The following LIX1 variants were observed in gnomAD, a reference collection of about 807,000 sequenced individuals.
The protein encoded by LIX1 is limb and CNS expressed 1, also known as protein limb expression 1 homolog.
LIX1 carries 24 observed loss-of-function variants against 33.4 expected under a neutral mutation model. That is an observed-to-expected ratio of 0.72 (90% CI 0.52 to 1.01). The LOEUF (loss-of-function observed/expected upper bound fraction) is 1.01, where lower values mean the gene tolerates loss of function less well. Ranked by LOEUF, LIX1 falls within the 50% of genes least tolerant of loss-of-function variation. The probability of loss-of-function intolerance (pLI) is 0.00; values close to 1 mark genes in which losing one functional copy is unlikely to be tolerated. For missense variants in LIX1, 311 were observed against 339.2 expected (o/e 0.92, Z 0.65); for synonymous variants, 124 against 124.0 (o/e 1.00, Z 0.00).
intron 2 of LIX1, among the ~76,000 whole-genome samples, chr5:97,114,738 C>T (rs1580231759): frequency 6.6e-6 from 1 of 152,312 alleles, no homozygotes; most frequent in East Asian, 1.9e-4. Flanking sequence ...CCTGCCATGT[C>T]TCATTTCCAA....
chr5:97,106,069 G>A (rs1204008700), intron 3 of LIX1, among the ~76,000 whole-genome samples: 1 of 152,128 alleles, frequency 6.6e-6, no homozygotes. Context: ...ATTTATGTTG[G>A]CTTTTTAAAT....
At chr5:97,118,297 A>C (rs547886584) in intron 2 of LIX1, among the ~76,000 whole-genome samples, 1 of 152,246 alleles carries the variant, frequency 6.6e-6, no homozygotes, top group Non-Finnish European at 1.5e-5. Flanking sequence ...AGCAGGCTAT[A>C]TGTGGAAGAC....
chr5:97,132,337 A>G, intron 1 of LIX1, among the ~76,000 whole-genome samples: 1 of 152,240 alleles, frequency 6.6e-6, no homozygotes, highest in East Asian at 1.9e-4. Context: ...AGTGACATGT[A>G]AAATGTAAAA....
intron 4 of LIX1, chr5:97,101,645 G>A (rs943097410): frequency 6.6e-6 from 1 of 152,106 alleles, no homozygotes; most frequent in Non-Finnish European, 1.5e-5. Flanking sequence ...AGACAACAAC[G>A]GGGCTCTGTC....
At chr5:97,137,757 G>A (rs186260002) in intron 1 of LIX1, among the ~76,000 whole-genome samples, 35 of 152,206 alleles carry the variant, frequency 2.3e-4, no homozygotes, top group Admixed American at 2.0e-3. Context: ...TTTTTCAGGG[G>A]TGGTGGAATG....
At chr5:97,106,445 A>G (rs563117884) in intron 3 of LIX1, among the ~76,000 whole-genome samples, 1 of 152,318 alleles carries the variant, frequency 6.6e-6, no homozygotes, top group East Asian at 1.9e-4. Flanking sequence ...TGTTTCCTTC[A>G]TCATCATCAG....
chr5:97,111,644 A>G (rs1422515644), intron 2 of LIX1, among the ~76,000 whole-genome samples: 1 of 152,252 alleles, frequency 6.6e-6, no homozygotes, highest in Non-Finnish European at 1.5e-5. Flanking sequence ...ATTCAGATCC[A>G]GGCACTCTTC....
intron 4 of LIX1, among the ~76,000 whole-genome samples, chr5:97,099,969 G>T (rs1746607283): frequency 6.6e-6 from 1 of 152,166 alleles, no homozygotes; most frequent in African/African-American, 2.4e-5. Flanking sequence ...TCTTGGCATT[G>T]TTCTTGCATC....
intron 1 of LIX1, among the ~76,000 whole-genome samples, chr5:97,130,851 ACC>A (rs1046032384): frequency 6.6e-6 from 1 of 152,166 alleles, no homozygotes. Context: ...TCATTCTACT[ACC>A]CCTAATTGCT....
chr5:97,116,663 G>A (rs1021605417), intron 2 of LIX1, among the ~76,000 whole-genome samples: 3 of 151,928 alleles, frequency 2.0e-5, no homozygotes, highest in Admixed American at 6.6e-5. Flanking sequence ...GCTCCTTGAG[G>A]TTTTATTCCT....
At position 97,093,700 on chromosome 5, in the gene LIX1, G is replaced by A. The variant is rs1746192847; in HGVS notation, c.*1048C>T. ...TTGACCCATATGGATGAGTTAAATA[G>A]AGATGGCAATGTCTTATCCTTCCTT... On this transcript the variant is annotated 3_prime_UTR_variant, in exon 6 of 6. Coordinates refer to ENST00000274382, the MANE Select transcript of LIX1 (RefSeq NM_153234.5). 6.6e-6 allele frequency: 1 copy of A among 150,562 alleles called. No homozygotes were observed. Among genetic ancestry groups the A allele is most frequent in the South Asian group, 2.1e-4 (1 of 4,786 alleles). 9.3% of individuals were successfully genotyped at this position (150,562 alleles called of 1,614,324 possible). A position where few individuals can be genotyped will look rare whatever the true frequency, so the allele number is the denominator to read the frequency against.
chr5:97,123,039 C>T (rs1180017346), intron 2 of LIX1, among the ~76,000 whole-genome samples: 1 of 152,216 alleles, frequency 6.6e-6, no homozygotes, highest in Non-Finnish European at 1.5e-5. Context: ...GATGTCACAT[C>T]TCTCGGTTTC....
chr5:97,111,877 A>G (rs895200354), intron 2 of LIX1, among the ~76,000 whole-genome samples: 5 of 152,216 alleles, frequency 3.3e-5, no homozygotes, highest in African/African-American at 9.6e-5. Flanking sequence ...GAAAGCATGA[A>G]AAAGGACTAC....
chr5:97,120,494 G>T (rs1747749985), intron 2 of LIX1, among the ~76,000 whole-genome samples: 1 of 152,160 alleles, frequency 6.6e-6, no homozygotes, highest in Non-Finnish European at 1.5e-5. Flanking sequence ...AGAGAACACT[G>T]CTTTGGGAAA....
At chr5:97,103,092 T>C (rs1044827131) in intron 4 of LIX1, 11 of 454,472 alleles carry the variant, frequency 2.4e-5, no homozygotes, top group Admixed American at 9.5e-5. Context: ...ACTTCACACA[T>C]AGGTCTGTAT....
chr5:97,098,902 C>T (rs767626700), intron 4 of LIX1, among the ~76,000 whole-genome samples: 2 of 152,130 alleles, frequency 1.3e-5, no homozygotes, highest in African/African-American at 4.8e-5. Flanking sequence ...CTAAAATTGC[C>T]ATTGGAATGA....
chr5:97,118,297 A>G (rs547886584), intron 2 of LIX1, among the ~76,000 whole-genome samples: 52 of 152,364 alleles, frequency 3.4e-4, no homozygotes, highest in African/African-American at 1.2e-3. Flanking sequence ...AGCAGGCTAT[A>G]TGTGGAAGAC....
intron 2 of LIX1, among the ~76,000 whole-genome samples, chr5:97,117,009 TA>T (rs996913329): frequency 6.6e-6 from 1 of 152,050 alleles, no homozygotes; most frequent in South Asian, 2.1e-4. Flanking sequence ...CTTTGTTTAA[TA>T]AAAAAAGAAA....
chr5:97,118,378 A>C (rs1033255247), intron 2 of LIX1, among the ~76,000 whole-genome samples: 5 of 152,202 alleles, frequency 3.3e-5, no homozygotes, highest in African/African-American at 1.2e-4. Context: ...AAGATAAAAT[A>C]CTCAAGTTCC....
Sources: allele counts gnomAD v4.1 joint callset (sites outside exome capture counted in the v4.1 genomes callset), GRCh38; gene constraint gnomAD v4.1.1; transcripts MANE v1.5; gene names NCBI Gene and HGNC (gene_info 2026-07-23, HGNC 2026-07-21).